PRKCH: variants seen among roughly 807,000 people sequenced by gnomAD.
PRKCH encodes protein kinase C eta.
A neutral mutation model predicts 82.5 loss-of-function variants in PRKCH; 28 were observed. The ratio of observed to expected loss-of-function variants is 0.34; its 90% CI spans 0.25 to 0.47. The LOEUF (loss-of-function observed/expected upper bound fraction) is 0.47. Among genes scored for constraint, PRKCH ranks in the 20% least tolerant of loss-of-function variants. The pLI is 1.00. For missense variants in PRKCH, 705 were observed against 881.8 expected, an observed-to-expected ratio of 0.80 and a Z score of 2.54; for synonymous variants, 322 against 327.4, an observed-to-expected ratio of 0.98 and a Z score of 0.18.
chr14:61,371,301 A>G (rs1404157389), intron 1 of PRKCH, among the ~76,000 whole-genome samples: 2 of 152,190 alleles, frequency 1.3e-5, no homozygotes, highest in African/African-American at 4.8e-5. Flanking sequence ...TAATGAATCA[A>G]TAATGATACA....
At chr14:61,318,369 T>G (rs1485448900), upstream of PRKCH, among the ~76,000 whole-genome samples, 1 of 149,388 alleles carries the variant, frequency 6.7e-6, no homozygotes, top group Admixed American at 6.6e-5. Flanking sequence ...TAAAAAGTTT[T>G]TTTTTTTTTT....
At chr14:61,429,806 C>G (rs1256565765) in intron 2 of PRKCH, among the ~76,000 whole-genome samples, 2 of 152,112 alleles carry the variant, frequency 1.3e-5, no homozygotes, top group Non-Finnish European at 2.9e-5. Context: ...ACTAGTTTCT[C>G]TTATTCAGCT....
rs377342064 is a variant in PRKCH, at chr14:61,443,220, G to T, written c.537G>T (p.Leu179=). Residue 179 remains leucine, a synonymous_variant, in exon 3 of 14, where the codon CTG becomes CTT. Coordinates refer to ENST00000332981, the MANE Select transcript of PRKCH (RefSeq NM_006255.5). The part of the protein sequence containing the change: ...INGHKFMATY[L]RQPTYCSHCR... ...GACACAAGTTCATGGCCACGTATCT[G>T]AGGCAGCCCACCTACTGCTCTCACT... The T allele has an allele frequency of 1.2e-6, 2 of 1,613,994 alleles. No individual in the cohort carries two copies. The highest frequency in any genetic ancestry group is 8.5e-7 in the Non-Finnish European group (1 of 1,179,986).
At chr14:61,205,298 G>T (rs1020060681) in intron 1 of PRKCH, among the ~76,000 whole-genome samples, 1 of 152,196 alleles carries the variant, frequency 6.6e-6, no homozygotes, top group Non-Finnish European at 1.5e-5. Flanking sequence ...CTTCAAGAGA[G>T]CCCTGGCCCT....
intron 1 of PRKCH, among the ~76,000 whole-genome samples, chr14:61,346,185 G>A (rs1253356951): frequency 6.6e-6 from 1 of 152,090 alleles, no homozygotes; most frequent in South Asian, 2.1e-4. Flanking sequence ...TTGTCAGGGT[G>A]GCACCAATTT....
At chr14:61,507,940 G>GA (rs765314634) in intron 10 of PRKCH, among the ~76,000 whole-genome samples, 1 of 151,808 alleles carries the variant, frequency 6.6e-6, no homozygotes, top group African/African-American at 2.4e-5. Context: ...TTATCACCAA[G>GA]AAAAAAACAC....
chr14:61,451,813 C>G (rs1282907592), intron 6 of PRKCH, among the ~76,000 whole-genome samples: 1 of 152,182 alleles, frequency 6.6e-6, no homozygotes, highest in Non-Finnish European at 1.5e-5. Context: ...CAGACAACTT[C>G]CATTGACTGC....
At chr14:61,460,691 T>C (rs1301574039) in intron 9 of PRKCH, among the ~76,000 whole-genome samples, 1 of 152,202 alleles carries the variant, frequency 6.6e-6, no homozygotes, top group Non-Finnish European at 1.5e-5. Flanking sequence ...AGGCAGGCTC[T>C]TCCTATTTGC....
chr14:61,386,040 C>T (rs2046582725), intron 1 of PRKCH, among the ~76,000 whole-genome samples: 1 of 152,242 alleles, frequency 6.6e-6, no homozygotes, highest in Non-Finnish European at 1.5e-5. Flanking sequence ...CAATAAGCTA[C>T]AGATGGGTAA....
At chr14:61,528,953 T>A in intron 10 of PRKCH, 122 bp from the exon 11 acceptor site, 1 of 891,590 alleles carries the variant, frequency 1.1e-6, no homozygotes. Context: ...AGGAAGCTCA[T>A]GCGGCCGCAT....
intron 1 of PRKCH, among the ~76,000 whole-genome samples, chr14:61,324,649 T>C (rs1007687787): frequency 6.6e-6 from 1 of 152,082 alleles, no homozygotes; most frequent in Non-Finnish European, 1.5e-5. Context: ...AGAGATGGGG[T>C]CTTGCTACCT....
At chr14:61,419,293 T>C (rs75359166) in intron 2 of PRKCH, among the ~76,000 whole-genome samples, 2,365 of 152,318 alleles carry the variant, frequency 0.016, 29 homozygotes, top group Non-Finnish European at 0.025. Flanking sequence ...TTTTCATTTA[T>C]TTTTAAGCAA....
intron 10 of PRKCH, among the ~76,000 whole-genome samples, chr14:61,491,940 A>G (rs1398721031): frequency 1.3e-5 from 2 of 152,258 alleles, no homozygotes; most frequent in Non-Finnish European, 2.9e-5. Flanking sequence ...AATACAATGC[A>G]GTGAATGAGA....
At chr14:61,542,106 A>G (rs2043194182) in intron 12 of PRKCH, among the ~76,000 whole-genome samples, 1 of 152,106 alleles carries the variant, frequency 6.6e-6, no homozygotes, top group Admixed American at 6.5e-5. Flanking sequence ...GCTGGCCAAC[A>G]TGGTGAAACC....
chr14:61,444,067 C>G (rs1401749888), intron 3 of PRKCH, among the ~76,000 whole-genome samples: 3 of 152,174 alleles, frequency 2.0e-5, no homozygotes, highest in Non-Finnish European at 2.9e-5. Flanking sequence ...AGAGCAGTTT[C>G]TGAATGTTGA....
intron 10 of PRKCH, among the ~76,000 whole-genome samples, chr14:61,493,174 G>A (rs1366197448): frequency 2.0e-5 from 3 of 152,210 alleles, no homozygotes; most frequent in Non-Finnish European, 4.4e-5. Context: ...AAAAATGACA[G>A]TGGCTTAAGC....
Position 61,383,126 on chromosome 14 carries a change from C to T in PRKCH, c.364-8099C>T, listed in dbSNP as rs1048636414. On this transcript the variant is annotated intron_variant, in intron 1 of 13. Coordinates refer to ENST00000332981, the MANE Select transcript of PRKCH (RefSeq NM_006255.5). ...GGATCCGGTGGGTACATCAAGCTAA[C>T]AGAGTATAATTTCTAAGCAGTGAGC... Among the ~76,000 whole-genome samples, 3 of 152,170 alleles carry T rather than the reference C, an allele frequency of 2.0e-5. No homozygotes were observed. The East Asian group carries it at 5.8e-4, about 29-fold the overall frequency.
At chr14:61,405,425 T>C (rs1036876162) in intron 2 of PRKCH, among the ~76,000 whole-genome samples, 3 of 151,678 alleles carry the variant, frequency 2.0e-5, no homozygotes, top group African/African-American at 7.3e-5. Context: ...TCGCCCAGGC[T>C]GGAGTGCAGT....
intron 1 of PRKCH, among the ~76,000 whole-genome samples, chr14:61,208,069 A>T (rs552622753): frequency 4.6e-4 from 63 of 138,416 alleles, no homozygotes; most frequent in African/African-American, 1.4e-3. Flanking sequence ...ATGAAGTGAC[A>T]ACTGATTTTT....
Sources: allele counts gnomAD v4.1 joint callset (sites outside exome capture counted in the v4.1 genomes callset), GRCh38; gene constraint gnomAD v4.1.1; transcripts MANE v1.5; gene names NCBI Gene and HGNC (gene_info 2026-07-23, HGNC 2026-07-21).